Variants in TMEM131 observed in about 807,000 individuals in gnomAD.
The protein encoded by TMEM131 is transmembrane protein 131.
Under a neutral mutation model 211.6 loss-of-function variants are expected in TMEM131, and 66 were observed. That is an observed-to-expected ratio of 0.31 (90% CI 0.26 to 0.38). The LOEUF is 0.38. Ranked by LOEUF, TMEM131 falls within the 10% of genes least tolerant of loss-of-function variation. TMEM131 has a pLI of 1.00. For missense variants in TMEM131, 2,036 were observed against 2,299.3 expected (o/e 0.89, Z 2.34); for synonymous variants, 844 against 841.3 (o/e 1.00, Z -0.06).
chr2:97,815,255 T>C lies in TMEM131; in HGVS notation c.1236A>G (p.Ala412=), dbSNP rs1221712312. 6.3e-7 allele frequency: 1 copy of C among 1,575,596 alleles called. No individual in the cohort carries two copies. The highest frequency in any genetic ancestry group is 2.1e-5 in the Admixed American group (1 of 48,532). The change falls in exon 13 of 41, where the codon GCA becomes GCG. Residue 412 remains alanine (A), a synonymous_variant. Coordinates refer to ENST00000186436, the MANE Select transcript of TMEM131 (RefSeq NM_015348.2). ...SQFSGKITVK[A]KEKSYSKLEI... ...CAAGTTTAGAATAACTCTTTTCCTT[T>C]GCTTTAACTGTTATTTTCCCAGAAA...
intron 6 of TMEM131, among the ~76,000 whole-genome samples, chr2:97,843,723 C>G (rs1285675359): frequency 6.6e-6 from 1 of 152,108 alleles, no homozygotes; most frequent in Non-Finnish European, 1.5e-5. Context: ...CTCCTATATA[C>G]ATTAACTTTC....
rs141794289 is a variant in TMEM131, at chr2:97,926,461, A to T, written c.249+965T>A. Among the ~76,000 whole-genome samples, 3 of 152,346 alleles carry T rather than the reference A, an allele frequency of 2.0e-5. No individual in the cohort carries two copies. The East Asian group carries it at 5.8e-4, about 29-fold the overall frequency. The stretch of plus-strand genomic sequence containing the variant: ...TCAACATTAAAATGAACAATTTTAC[A>T]TCTATTCAAAAGGGTCTTCTATTCA... On this transcript the variant is annotated intron_variant, in intron 2 of 40. Transcript: ENST00000186436.
chr2:97,764,305 G>A (rs75484424), intron 35 of TMEM131: 4,029 of 152,572 alleles, frequency 0.026, 84 homozygotes, highest in Non-Finnish European at 0.041. Context: ...CAAGGGAGGC[G>A]AAGGGATAAA....
chr2:97,964,270 AG>A (rs1678947228), intron 1 of TMEM131, among the ~76,000 whole-genome samples: 1 of 152,252 alleles, frequency 6.6e-6, no homozygotes, highest in African/African-American at 2.4e-5. Flanking sequence ...AGAAATGTTA[AG>A]GCATTCTACT....
intron 10 of TMEM131, among the ~76,000 whole-genome samples, chr2:97,833,654 CTTTTTTTTT>C (rs11341582): frequency 1.4e-5 from 2 of 143,804 alleles, no homozygotes; most frequent in Admixed American, 6.9e-5. Flanking sequence ...AAAATATATA[CTTTTTTTTT>C]TTTTTTTTAA....
chr2:97,988,277 C>A (rs1680115423), intron 1 of TMEM131, among the ~76,000 whole-genome samples: 1 of 152,112 alleles, frequency 6.6e-6, no homozygotes, highest in Non-Finnish European at 1.5e-5. Flanking sequence ...TAGAGTTATA[C>A]CCTTTATCTT....
At chr2:97,872,258 T>C (rs1033172036) in intron 4 of TMEM131, among the ~76,000 whole-genome samples, 4 of 152,094 alleles carry the variant, frequency 2.6e-5, no homozygotes, top group African/African-American at 9.7e-5. Flanking sequence ...AAGGGCCTGA[T>C]ACTTTTTAGA....
chr2:97,769,027 C>T (rs771687086), intron 33 of TMEM131, among the ~76,000 whole-genome samples: 2 of 150,434 alleles, frequency 1.3e-5, no homozygotes, highest in African/African-American at 2.4e-5. Context: ...CGGCTCTCTG[C>T]AGTCTCTAAC....
chr2:97,809,629 G>C (rs1258687533), intron 19 of TMEM131, 59 bp downstream of exon 19: 15 of 1,173,406 alleles, frequency 1.3e-5, no homozygotes, highest in Non-Finnish European at 1.6e-5. Context: ...TAGGAACACA[G>C]AGCTAAAGGC....
chr2:97,925,601 G>A (rs1052789454), intron 2 of TMEM131, among the ~76,000 whole-genome samples: 5 of 152,170 alleles, frequency 3.3e-5, no homozygotes, highest in Admixed American at 6.5e-5. Context: ...GCATCGTGCC[G>A]TGGAGAGTTT....
At chr2:97,924,422 C>T (rs1370021789) in intron 2 of TMEM131, among the ~76,000 whole-genome samples, 1 of 152,152 alleles carries the variant, frequency 6.6e-6, no homozygotes, top group Admixed American at 6.5e-5. Flanking sequence ...GCTCCGTATG[C>T]TGGCCAAGTT....
At chr2:97,836,510 G>C (rs963621376) in intron 8 of TMEM131, among the ~76,000 whole-genome samples, 4 of 152,060 alleles carry the variant, frequency 2.6e-5, no homozygotes, top group African/African-American at 7.2e-5. Context: ...TATAAATAAG[G>C]TTCTCTTACA....
At chr2:97,773,733 G>T (rs927974466) in intron 32 of TMEM131, among the ~76,000 whole-genome samples, 1 of 151,736 alleles carries the variant, frequency 6.6e-6, no homozygotes, top group Non-Finnish European at 1.5e-5. Flanking sequence ...CTCCTGAGTA[G>T]CTAGGACTAC....
intron 25 of TMEM131, among the ~76,000 whole-genome samples, chr2:97,799,066 T>C (rs1680900792): frequency 6.6e-6 from 1 of 152,206 alleles, no homozygotes; most frequent in South Asian, 2.1e-4. Flanking sequence ...TCAGGGATCC[T>C]GTCAGAGTAT....
chr2:97,870,046 A>T (rs1573485515), intron 4 of TMEM131, among the ~76,000 whole-genome samples: 2 of 152,130 alleles, frequency 1.3e-5, no homozygotes, highest in African/African-American at 2.4e-5. Context: ...GCACGAAGAA[A>T]CTCTCTTGCA....
At chr2:97,810,269 G>C (rs1322249197) in intron 18 of TMEM131, among the ~76,000 whole-genome samples, 1 of 151,938 alleles carries the variant, frequency 6.6e-6, no homozygotes, top group African/African-American at 2.4e-5. Context: ...CATACTGTTA[G>C]TAACTCTCAA....
chr2:97,766,534 G>A lies in TMEM131; in HGVS notation c.4517C>T (p.Pro1506Leu), dbSNP rs749397219. 3.1e-6 allele frequency: 5 copies of A among 1,613,994 alleles called. No homozygotes were observed. In the Admixed American group the frequency reaches 5.0e-5, roughly 16 times the overall value. The change falls in exon 34 of 41, where the codon CCT (proline) becomes CTT (leucine). Residue 1506 changes from proline to leucine, a missense_variant. Coordinates refer to ENST00000186436, the MANE Select transcript of TMEM131 (RefSeq NM_015348.2). ...TCCACTTGTCATTGCAGTTGGAAGA[G>A]GAATCTTGCTTGGGAGATTTCTACG... Reference protein sequence around the residue: ...KQRRNLPSKIPLPTAMTSGSK... With the variant: ...KQRRNLPSKILLPTAMTSGSK...
intron 3 of TMEM131, among the ~76,000 whole-genome samples, chr2:97,903,597 G>C (rs553295208): frequency 6.6e-6 from 1 of 152,248 alleles, no homozygotes; most frequent in East Asian, 1.9e-4. Flanking sequence ...CATTGGGAGA[G>C]ACACAAACTT....
chr2:97,808,325 T>C (rs1267600886), intron 19 of TMEM131, among the ~76,000 whole-genome samples: 4 of 152,200 alleles, frequency 2.6e-5, no homozygotes, highest in Non-Finnish European at 4.4e-5. Context: ...TTTTGCAATG[T>C]CTTGTTTCTC....
Sources: gnomAD v4.1 joint callset for allele counts (sites outside exome capture counted in the v4.1 genomes callset) on GRCh38, gnomAD v4.1.1 for gene constraint, MANE v1.5 for transcripts, NCBI Gene and HGNC (gene_info 2026-07-23, HGNC 2026-07-21) for gene names.